The following SLIT3 variants were observed in gnomAD, a reference collection of about 807,000 sequenced individuals.
The protein encoded by SLIT3 is slit homolog 3 protein.
A neutral mutation model predicts 184.0 loss-of-function variants in SLIT3; 68 were observed. That is an observed-to-expected ratio of 0.37 (90% CI 0.30 to 0.45). The LOEUF (loss-of-function observed/expected upper bound fraction) is 0.45, where lower values mean the gene tolerates loss of function less well. Among genes scored for constraint, SLIT3 ranks in the 20% least tolerant of loss-of-function variants. SLIT3 has a pLI of 1.00. For synonymous variants in SLIT3, 831 were observed against 828.6 expected, an observed-to-expected ratio of 1.00 and a Z score of -0.05; for missense variants, 1,707 against 2,026.0, an observed-to-expected ratio of 0.84 and a Z score of 3.02.
chr5:168,713,779 G>A (rs1238012041), intron 23 of SLIT3, among the ~76,000 whole-genome samples: 3 of 152,240 alleles, frequency 2.0e-5, no homozygotes, highest in African/African-American at 7.2e-5. Context: ...GGAAGCTAGT[G>A]AATATGCAGA....
chr5:168,716,015 T>G (rs903524629), intron 23 of SLIT3, among the ~76,000 whole-genome samples: 4 of 152,206 alleles, frequency 2.6e-5, no homozygotes, highest in Non-Finnish European at 4.4e-5. Flanking sequence ...CTTGCCAAGC[T>G]GGAGTGCAGT....
At chr5:169,202,713 G>C (rs1257385342) in intron 3 of SLIT3, among the ~76,000 whole-genome samples, 1 of 152,026 alleles carries the variant, frequency 6.6e-6, no homozygotes, top group South Asian at 2.1e-4. Flanking sequence ...GAGAACTCTG[G>C]GAGCTTGGTC....
chr5:169,156,814 C>G (rs1175538090), intron 4 of SLIT3, among the ~76,000 whole-genome samples: 1 of 152,126 alleles, frequency 6.6e-6, no homozygotes, highest in Non-Finnish European at 1.5e-5. Context: ...GAATTTAAAG[C>G]CTTGAGCATT....
intron 5 of SLIT3, among the ~76,000 whole-genome samples, chr5:168,847,783 C>A (rs963931714): frequency 1.3e-5 from 2 of 152,138 alleles, no homozygotes; most frequent in Non-Finnish European, 2.9e-5. Flanking sequence ...GAGGCCAAAA[C>A]ATTCGATTTA....
chr5:168,773,166 G>A (rs921351789), intron 13 of SLIT3, among the ~76,000 whole-genome samples: 4 of 152,268 alleles, frequency 2.6e-5, no homozygotes, highest in African/African-American at 9.6e-5. Flanking sequence ...CTAGCATCTG[G>A]TCTGGGGAAT....
At chr5:169,012,534 C>T (rs931012359) in intron 4 of SLIT3, 1 of 152,166 alleles carries the variant, frequency 6.6e-6, no homozygotes, top group Non-Finnish European at 1.5e-5. Flanking sequence ...TTATTAAGGG[C>T]CTCGTTAAAA....
At chr5:168,912,141 A>T (rs1482148543) in intron 4 of SLIT3, among the ~76,000 whole-genome samples, 2 of 152,162 alleles carry the variant, frequency 1.3e-5, no homozygotes, top group African/African-American at 2.4e-5. Context: ...CCATTTAACC[A>T]ACGGTAAATT....
chr5:168,705,424 GTTA>G (rs200980109), intron 26 of SLIT3, among the ~76,000 whole-genome samples: 2,305 of 152,168 alleles, frequency 0.015, 33 homozygotes, highest in Middle Eastern at 0.034. Context: ...TTATGTTACT[GTTA>G]TTATCATAGT....
chr5:169,195,644 C>T (rs1395695705), intron 3 of SLIT3, among the ~76,000 whole-genome samples: 6 of 152,098 alleles, frequency 3.9e-5, no homozygotes, highest in Admixed American at 6.5e-5. Context: ...CCCCCACCTC[C>T]GCCTACCGAG....
Position 169,234,981 on chromosome 5 carries a change from G to A in SLIT3, c.341+9724C>T, listed in dbSNP as rs774789818. On this transcript the variant is annotated intron_variant, in intron 3 of 35. Transcript: ENST00000519560. Reference sequence around the variant, plus strand: ...GGACTTTTTCCTTTAAAATGTAATAGTTTATTAGAACATATTTTGTTTTGA... The same window carrying A: ...GGACTTTTTCCTTTAAAATGTAATAATTTATTAGAACATATTTTGTTTTGA... Among the ~76,000 whole-genome samples, 3 of 152,172 alleles carry A rather than the reference G, an allele frequency of 2.0e-5. 1 individual carries two copies. The South Asian group carries it at 6.2e-4, about 32-fold the overall frequency.
At chr5:168,833,361 G>T (rs1757938472) in intron 6 of SLIT3, among the ~76,000 whole-genome samples, 1 of 152,220 alleles carries the variant, frequency 6.6e-6, no homozygotes, top group African/African-American at 2.4e-5. Flanking sequence ...CTCCCAGGAA[G>T]CTGAGTGCAA....
At chr5:168,768,951 C>T (rs535994708) in intron 14 of SLIT3, among the ~76,000 whole-genome samples, 65 of 152,142 alleles carry the variant, frequency 4.3e-4, no homozygotes, top group African/African-American at 1.4e-3. Context: ...CAAATGGGGC[C>T]GTAGGGTTTG....
chr5:169,120,972 C>A (rs917401145), intron 4 of SLIT3, among the ~76,000 whole-genome samples: 1 of 152,136 alleles, frequency 6.6e-6, no homozygotes, highest in Non-Finnish European at 1.5e-5. Flanking sequence ...AATCTCTTTC[C>A]TTTCTCCTAA....
chr5:169,280,524 C>G (rs1334030247), intron 1 of SLIT3, among the ~76,000 whole-genome samples: 3 of 152,206 alleles, frequency 2.0e-5, no homozygotes, highest in Non-Finnish European at 4.4e-5. Flanking sequence ...CCCTTGGACA[C>G]AGCCCAAAGA....
chr5:168,666,228 G>A lies in SLIT3; in HGVS notation c.*226C>T, dbSNP rs967155229. On this transcript the variant is annotated 3_prime_UTR_variant, in exon 36 of 36. Transcript: ENST00000519560. ...ATAACTCACTATATGGTACATATAC[G>A]CAGATGGTGTAATATATTTATATAA... 17 of 406,858 alleles carry A rather than the reference G, an allele frequency of 4.2e-5. No individual in the cohort carries two copies. The highest frequency in any genetic ancestry group is 7.6e-5 in the East Asian group (2 of 26,240). The allele number at this position is 406,858 out of a possible 1,614,324, so 25.2% of individuals were successfully genotyped here. A position where few individuals can be genotyped will look rare whatever the true frequency, so the allele number is the denominator to read the frequency against.
chr5:168,906,436 A>G (rs897946740), intron 4 of SLIT3, among the ~76,000 whole-genome samples: 103 of 152,358 alleles, frequency 6.8e-4, no homozygotes, highest in African/African-American at 2.4e-3. Context: ...AGAGTTTAAA[A>G]TAAGTGAGAT....
Position 169,286,612 on chromosome 5 carries a change from G to T in SLIT3, c.197+13901C>A, listed in dbSNP as rs535979735. On this transcript the variant is annotated intron_variant, in intron 1 of 35. Coordinates refer to ENST00000519560, the MANE Select transcript of SLIT3 (RefSeq NM_003062.4). ...TCAAATGACTTGTCCAAGGTCACAT[G>T]GTGTGTCAGAGGTACGGCCAGGTCG... 7.2e-5 allele frequency among the ~76,000 whole-genome samples: 11 copies of T among 152,292 alleles called. No individual in the cohort carries two copies. The South Asian group carries it at 2.3e-3, about 32-fold the overall frequency.
chr5:168,719,075 G>C (rs1314464739), intron 23 of SLIT3, among the ~76,000 whole-genome samples: 4 of 152,142 alleles, frequency 2.6e-5, no homozygotes, highest in Non-Finnish European at 5.9e-5. Context: ...TTTGAAACAA[G>C]GTCTTGCTCT....
intron 24 of SLIT3, 46 bp from the exon 25 acceptor site, chr5:168,711,104 A>T: frequency 6.8e-7 from 1 of 1,476,304 alleles, no homozygotes; most frequent in Non-Finnish European, 9.1e-7. Context: ...CAGCTTGGCC[A>T]GTAGCCTTCA....
Sources: allele counts gnomAD v4.1 joint callset (sites outside exome capture counted in the v4.1 genomes callset), GRCh38; gene constraint gnomAD v4.1.1; transcripts MANE v1.5; gene names NCBI Gene and HGNC (gene_info 2026-07-23, HGNC 2026-07-21).